Variants in WNT11 observed in about 807,000 individuals in gnomAD.
WNT11 encodes Wnt family member 11, also known as protein Wnt-11.
A neutral mutation model predicts 35.6 loss-of-function variants in WNT11; 20 were observed. The observed-to-expected ratio is 0.56, with a 90% CI of 0.40 to 0.82. The LOEUF (loss-of-function observed/expected upper bound fraction) is 0.82. Among genes scored for constraint, WNT11 ranks in the 40% least tolerant of loss-of-function variants. The pLI is 0.00. For synonymous variants in WNT11, 200 were observed against 211.9 expected (o/e 0.94, Z 0.49); for missense variants, 459 against 504.4 (o/e 0.91, Z 0.86).
chr11:76,210,136 C>T (rs958894377), upstream of WNT11, among the ~76,000 whole-genome samples: 1 of 151,592 alleles, frequency 6.6e-6, no homozygotes, highest in African/African-American at 2.4e-5. Context: ...CGCCGAACGA[C>T]TGGGAAGGAG....
intron 2 of WNT11, among the ~76,000 whole-genome samples, chr11:76,195,972 C>A (rs549359408): frequency 6.6e-6 from 1 of 152,192 alleles, no homozygotes. Context: ...AGACTCCCCC[C>A]ACCAGAAGCC....
intron 1 of WNT11, among the ~76,000 whole-genome samples, chr11:76,204,158 C>T (rs551009679): frequency 1.4e-4 from 21 of 152,300 alleles, no homozygotes; most frequent in African/African-American, 4.3e-4. Flanking sequence ...GATATATGCA[C>T]GTGGCCTACA....
At chr11:76,197,918 C>T (rs1192183407) in intron 1 of WNT11, among the ~76,000 whole-genome samples, 8 of 152,184 alleles carry the variant, frequency 5.3e-5, no homozygotes, top group African/African-American at 1.7e-4. Flanking sequence ...CAGCAGAGGC[C>T]GTCTGGAACC....
At chr11:76,189,220 G>A (rs537996196) in intron 4 of WNT11, among the ~76,000 whole-genome samples, 1 of 152,350 alleles carries the variant, frequency 6.6e-6, no homozygotes, top group South Asian at 2.1e-4. Context: ...TACCCTGAAG[G>A]GTAGGAAGGA....
chr11:76,207,182 C>G (rs149203233), upstream of WNT11, among the ~76,000 whole-genome samples: 1,058 of 152,128 alleles, frequency 7.0e-3, 10 homozygotes, highest in African/African-American at 0.024. Flanking sequence ...CCCAACATGG[C>G]AAAACCCCGT....
chr11:76,208,681 C>T (rs1953511144), upstream of WNT11, among the ~76,000 whole-genome samples: 1 of 152,136 alleles, frequency 6.6e-6, no homozygotes, highest in Non-Finnish European at 1.5e-5. Flanking sequence ...GCCTGGTCTC[C>T]CAGGGAGAGG....
At chr11:76,197,132 G>A (rs1190194995) in intron 1 of WNT11, among the ~76,000 whole-genome samples, 2 of 152,226 alleles carry the variant, frequency 1.3e-5, no homozygotes, top group Non-Finnish European at 2.9e-5. Context: ...CAGAAACCAT[G>A]AGAAATGCTA....
In WNT11 at chr11:76,186,819, G is replaced by A. The variant is rs1953102046; in HGVS notation, c.*246C>T. On this transcript the variant is annotated 3_prime_UTR_variant, in exon 5 of 5. Transcript: ENST00000322563. ...CTTACACCAGCCTGTGGGCACTCCA[G>A]AGCCTCAGGCTGCCAAGTTATTTTT... 1.6e-6 allele frequency: 1 copy of A among 636,140 alleles called. No individual in the cohort carries two copies. The highest frequency in any genetic ancestry group is 1.5e-5 in the South Asian group (1 of 66,284). The allele number at this position is 636,140 out of a possible 1,614,324, so 39.4% of individuals were successfully genotyped here.
chr11:76,199,114 T>C (rs567422010), intron 1 of WNT11, among the ~76,000 whole-genome samples: 23 of 151,884 alleles, frequency 1.5e-4, no homozygotes, highest in Admixed American at 1.3e-3. Context: ...GCCTGGGCGA[T>C]AGAACGAGAC....
chr11:76,190,175 G>A (rs1407982982), intron 4 of WNT11, among the ~76,000 whole-genome samples: 1 of 152,090 alleles, frequency 6.6e-6, no homozygotes, highest in Admixed American at 6.5e-5. Flanking sequence ...AGACGAGGCT[G>A]AGCTTCAGAT....
Position 76,196,609 on chromosome 11 carries a change from G to A in WNT11, c.193C>T (p.Leu65Phe), listed in dbSNP as rs1173549137. The change falls in exon 2 of 5, where the codon CTC becomes TTC. Residue 65 changes from leucine to phenylalanine, a missense_variant. Transcript: ENST00000322563. The part of the protein sequence containing the change: ...QVQLCRSNLE[L>F]MHTVVHAARE... ...GCGGCGTGCACCACCGTGTGCATGAGCTCCAGGTTGCTGCGGCACAGCTGC... is the reference window on the plus strand; with the variant it reads ...GCGGCGTGCACCACCGTGTGCATGAACTCCAGGTTGCTGCGGCACAGCTGC... 2.5e-6 allele frequency: 4 copies of A among 1,613,576 alleles called. No individual in the cohort carries two copies. In the African/African-American group the frequency reaches 4.0e-5, roughly 16 times the overall value.
In WNT11 at chr11:76,206,389, C is replaced by A. The variant is rs1480292792; in HGVS notation, c.19G>T (p.Val7Phe). The A allele has an allele frequency of 1.9e-6, 3 of 1,541,742 alleles. No individual in the cohort carries two copies. Among genetic ancestry groups the A allele is most frequent in the Admixed American group, 2.0e-5 (1 of 51,038 alleles). ...AGGGCGAAGAGCAGCGCCTCGCAGA[C>A]CTGCGGCCGCGCCCTCATCGTCGCG... The part of the protein sequence containing the change: MRARPQ[V>F]CEALLFALAL... Residue 7 changes from valine (V) to phenylalanine (F), a missense_variant, in exon 1 of 5, where the codon GTC (valine) becomes TTC (phenylalanine). Transcript: ENST00000322563.
chr11:76,194,807 G>A lies in WNT11; in HGVS notation c.357C>T (p.Ala119=), dbSNP rs149594594. Residue 119 remains alanine (A), a synonymous_variant, in exon 3 of 5, where the codon GCC becomes GCT. Transcript: ENST00000322563. The surrounding 1 kb of genome is among the most constrained non-coding windows in gnomAD (Gnocchi z 5.4). ...GGGCGATGGCGTGGCTGATGGCGGC[G>A]GCCGACAGCGCATACACGAAGGCCG... The part of the protein sequence containing the change: ...RESAFVYALS[A]AAISHAIARA... 1.2e-5 allele frequency: 19 copies of A among 1,546,888 alleles called. No individual in the cohort carries two copies. The highest frequency in any genetic ancestry group is 4.8e-5 in the East Asian group (2 of 42,060).
intron 3 of WNT11, among the ~76,000 whole-genome samples, chr11:76,192,498 C>T (rs1435408676): frequency 1.3e-5 from 2 of 152,262 alleles, no homozygotes; most frequent in Non-Finnish European, 1.5e-5. Context: ...CACATCGCCA[C>T]TCAGGGCCTC....
At chr11:76,187,838 G>A (rs1418109072) in intron 4 of WNT11, among the ~76,000 whole-genome samples, 1 of 151,776 alleles carries the variant, frequency 6.6e-6, no homozygotes, top group East Asian at 1.9e-4. Flanking sequence ...TCTAAATACT[G>A]GAAGGACCCT....
At position 76,196,349 on chromosome 11, in the gene WNT11, T is replaced by A. The variant is rs527457228; in HGVS notation, c.319+134A>T. 36 of 1,018,776 alleles carry A rather than the reference T, an allele frequency of 3.5e-5. No homozygotes were observed. In the African/African-American group the frequency reaches 5.6e-4, roughly 16 times the overall value. The allele number at this position is 1,018,776 out of a possible 1,614,324, so 63.1% of individuals were successfully genotyped here. A position where few individuals can be genotyped will look rare whatever the true frequency, so the allele number is the denominator to read the frequency against. On this transcript the variant is annotated intron_variant, in intron 2 of 4. Transcript: ENST00000322563. ...CATACCCCATCCATCCATGCCTGTA[T>A]CCACCCGTCATTCATCCATGAATCC...
chr11:76,202,128 C>T (rs754609497), intron 1 of WNT11, among the ~76,000 whole-genome samples: 6 of 152,304 alleles, frequency 3.9e-5, no homozygotes, highest in Middle Eastern at 6.8e-3. Context: ...GGTGAGGCTT[C>T]GGCAGAGCTG....
chr11:76,198,409 G>A (rs1953321057), intron 1 of WNT11, among the ~76,000 whole-genome samples: 1 of 152,100 alleles, frequency 6.6e-6, no homozygotes. Flanking sequence ...GACATTCAGG[G>A]CCCCTCAAAG....
At chr11:76,190,022 G>C (rs1269883010) in intron 4 of WNT11, among the ~76,000 whole-genome samples, 8 of 151,444 alleles carry the variant, frequency 5.3e-5, no homozygotes, top group African/African-American at 1.9e-4. Context: ...GGGGCAGCTG[G>C]GAGAGAGGGG....
Sources: allele counts gnomAD v4.1 joint callset (sites outside exome capture counted in the v4.1 genomes callset), GRCh38; gene constraint gnomAD v4.1.1; non-coding constraint Gnocchi (gnomAD v3.1); transcripts MANE v1.5; gene names NCBI Gene and HGNC (gene_info 2026-07-23, HGNC 2026-07-21).